Variants in C11orf65 observed in about 807,000 individuals in gnomAD.
C11orf65 encodes the protein chromosome 11 open reading frame 65, also known as protein MFI.
A neutral mutation model predicts 35.3 loss-of-function variants in C11orf65; 38 were observed. The ratio of observed to expected loss-of-function variants is 1.08; its 90% CI spans 0.83 to 1.41. The LOEUF is 1.41. Among genes scored for constraint, C11orf65 ranks in the 40% most tolerant of loss-of-function variants. C11orf65 has a pLI of 0.00. For missense variants in C11orf65, 370 were observed against 367.1 expected (o/e 1.01, Z -0.06); for synonymous variants, 105 against 114.4 (o/e 0.92, Z 0.53).
chr11:108,456,948 T>C (rs1397881776), intron 2 of C11orf65, among the ~76,000 whole-genome samples: 1 of 152,160 alleles, frequency 6.6e-6, no homozygotes, highest in Non-Finnish European at 1.5e-5. Context: ...AGGACTTGCA[T>C]TCAGGATGTA....
At chr11:108,347,059 G>T (rs542439544) in intron 2 of C11orf65, among the ~76,000 whole-genome samples, 20 of 152,146 alleles carry the variant, frequency 1.3e-4, no homozygotes, top group Admixed American at 5.9e-4. Context: ...AATTTTTTTA[G>T]CAAATCATCT....
At position 108,406,924 on chromosome 11, in the gene C11orf65, GAGTAAAAATCTTAT is replaced by G; in HGVS notation, c.254_267del (p.Tyr85SerfsTer5). Reference sequence around the variant, plus strand: ...GCACAGAGATCTTCAATAGGTCTGTGAGTAAAAATCTTATAGTATATATCAGGTGGAAATTTAAC... The same window carrying G: ...GCACAGAGATCTTCAATAGGTCTGTGAGTATATATCAGGTGGAAATTTAAC... On this transcript the variant is annotated frameshift_variant, in exon 5 of 9. Transcript: ENST00000393084. LOFTEE classifies it high-confidence loss of function. 6.2e-7 allele frequency: 1 copy of G among 1,612,274 alleles called. No individual in the cohort carries two copies. The highest frequency in any genetic ancestry group is 2.2e-5 in the East Asian group (1 of 44,770).
At chr11:108,354,027 G>T in intron 2 of C11orf65, 37 of 580,040 alleles carry the variant, frequency 6.4e-5, no homozygotes, top group Non-Finnish European at 7.6e-5. Context: ...TCCAGCCTAG[G>T]CAATACAGCA....
intron 2 of C11orf65, among the ~76,000 whole-genome samples, chr11:108,441,650 A>C (rs757992037): frequency 1.3e-5 from 2 of 152,198 alleles, no homozygotes; most frequent in Non-Finnish European, 2.9e-5. Flanking sequence ...AGGCAGCAAC[A>C]ATTGCCATTC....
intron 7 of C11orf65, among the ~76,000 whole-genome samples, chr11:108,387,048 C>A (rs1288765590): frequency 6.7e-6 from 1 of 150,100 alleles, no homozygotes; most frequent in Non-Finnish European, 1.5e-5. Flanking sequence ...TGCCACTGAA[C>A]TCCAGCTTGG....
intron 2 of C11orf65, among the ~76,000 whole-genome samples, chr11:108,440,622 C>T (rs908901414): frequency 6.6e-6 from 1 of 152,180 alleles, no homozygotes; most frequent in Admixed American, 6.5e-5. Context: ...CTCCATGAGG[C>T]TAGCCTGGGA....
In C11orf65 at chr11:108,365,378, A is replaced by G. The variant is rs1064793579; in HGVS notation, c.226+27830T>C. 1.2e-6 allele frequency: 2 copies of G among 1,614,058 alleles called. No homozygotes were observed. The highest frequency in any genetic ancestry group is 1.7e-6 in the Non-Finnish European group (2 of 1,180,038). On this transcript the variant is annotated intron_variant, in intron 2 of 3. Transcript: ENST00000524755. ...GCTGAACGTGTCTTAATGAGACTACAAGAGAAACTGAAAGGAGTGGAAGAA... is the reference window on the plus strand; with the variant it reads ...GCTGAACGTGTCTTAATGAGACTACGAGAGAAACTGAAAGGAGTGGAAGAA...
chr11:108,460,580 G>A (rs948284219), intron 2 of C11orf65, among the ~76,000 whole-genome samples: 1 of 152,140 alleles, frequency 6.6e-6, no homozygotes, highest in African/African-American at 2.4e-5. Context: ...GAAATAAAGT[G>A]TTGAGAGGTG....
At chr11:108,446,060 AG>A in intron 2 of C11orf65, among the ~76,000 whole-genome samples, 1 of 152,148 alleles carries the variant, frequency 6.6e-6, no homozygotes, top group East Asian at 1.9e-4. Flanking sequence ...AATGAAATGA[AG>A]TGAGAAGGGA....
intron 6 of C11orf65, among the ~76,000 whole-genome samples, 162 bp downstream of exon 6, chr11:108,405,267 T>A (rs1210949946): frequency 6.6e-6 from 1 of 152,210 alleles, no homozygotes; most frequent in African/African-American, 2.4e-5. Context: ...AAACAGAATA[T>A]CTGTGTGTCA....
At chr11:108,321,059 A>G (rs900981323) in intron 6 of C11orf65, among the ~76,000 whole-genome samples, 2 of 152,182 alleles carry the variant, frequency 1.3e-5, no homozygotes, top group East Asian at 1.9e-4. Flanking sequence ...TGGTCTTGCT[A>G]TCTCAGGGGT....
chr11:108,414,462 C>T (rs1399280224), intron 3 of C11orf65, among the ~76,000 whole-genome samples: 1 of 151,870 alleles, frequency 6.6e-6, no homozygotes, highest in Non-Finnish European at 1.5e-5. Flanking sequence ...ATTTTATAAC[C>T]TAGATGAAAG....
chr11:108,461,524 C>T lies in C11orf65; in HGVS notation c.36G>A (p.Gln12=). 6.2e-7 allele frequency: 1 copy of T among 1,610,324 alleles called. No individual in the cohort carries two copies. Among genetic ancestry groups the T allele is most frequent in the Non-Finnish European group, 8.5e-7 (1 of 1,178,278 alleles). ...PWKEESEFTK[Q]DKAARVIQQA... is the part of the protein sequence containing the mutation. The stretch of plus-strand genomic sequence containing the variant: ...GCTGAATGACTCTGGCAGCCTTATC[C>T]TGCTTTGTAAATTCTGATTCCTCTT... The change falls in exon 2 of 9, where the codon CAG becomes CAA. Residue 12 remains glutamine (Q), a synonymous_variant. Transcript: ENST00000393084.
chr11:108,455,834 A>AAAAAAAAAAAC (rs2093405816), intron 2 of C11orf65, among the ~76,000 whole-genome samples: 1 of 139,388 alleles, frequency 7.2e-6, no homozygotes, highest in African/African-American at 2.6e-5. Context: ...AAAAAAAAAA[A>AAAAAAAAAAAC]AAAAAACATG....
At chr11:108,352,111 T>C (rs894727083) in intron 2 of C11orf65, among the ~76,000 whole-genome samples, 5 of 152,220 alleles carry the variant, frequency 3.3e-5, no homozygotes, top group African/African-American at 9.6e-5. Flanking sequence ...TAGGTGTCAA[T>C]TGAAAATCAT....
At chr11:108,466,887 T>G (rs942103445) in intron 1 of C11orf65, among the ~76,000 whole-genome samples, 1 of 152,250 alleles carries the variant, frequency 6.6e-6, no homozygotes, top group Admixed American at 6.5e-5. Context: ...TCTACTAAAT[T>G]TATTGAATAA....
intron 7 of C11orf65, among the ~76,000 whole-genome samples, chr11:108,389,778 C>T (rs2092102921): frequency 6.6e-6 from 1 of 151,604 alleles, no homozygotes; most frequent in South Asian, 2.1e-4. Flanking sequence ...CTCCCAATGG[C>T]ATGAATCGTG....
intron 2 of C11orf65, among the ~76,000 whole-genome samples, chr11:108,455,201 C>A (rs927594041): frequency 1.3e-5 from 2 of 152,110 alleles, no homozygotes; most frequent in African/African-American, 4.8e-5. Context: ...ATGGATGCCC[C>A]TGCTTACTAC....
chr11:108,418,739 T>C (rs765199235), intron 3 of C11orf65, among the ~76,000 whole-genome samples: 1 of 151,252 alleles, frequency 6.6e-6, no homozygotes, highest in South Asian at 2.1e-4. Context: ...CCAATAAAAG[T>C]AATAAACTCC....
Sources: allele counts gnomAD v4.1 joint callset (sites outside exome capture counted in the v4.1 genomes callset), GRCh38; gene constraint gnomAD v4.1.1; transcripts MANE v1.5; gene names NCBI Gene and HGNC (gene_info 2026-07-23, HGNC 2026-07-21).